Variants in TRNAU1AP observed in about 807,000 individuals in gnomAD.
The protein encoded by TRNAU1AP is tRNA selenocysteine 1-associated protein 1.
Under a neutral mutation model 43.3 loss-of-function variants are expected in TRNAU1AP, and 33 were observed. The observed-to-expected ratio is 0.76, with a 90% confidence interval of 0.58 to 1.02. The LOEUF (loss-of-function observed/expected upper bound fraction) is 1.02. Among genes scored for constraint, TRNAU1AP ranks in the 50% least tolerant of loss-of-function variants. TRNAU1AP has a pLI of 0.00. For synonymous variants in TRNAU1AP, 143 were observed against 129.1 expected, an observed-to-expected ratio of 1.11 and a Z score of -0.73; for missense variants, 290 against 362.7, an observed-to-expected ratio of 0.80 and a Z score of 1.63.
At chr1:28,574,142 G>A (rs1324935226) in intron 8 of TRNAU1AP, among the ~76,000 whole-genome samples, 2 of 147,902 alleles carry the variant, frequency 1.4e-5, no homozygotes, top group East Asian at 2.0e-4. Flanking sequence ...GTGCAGTGGT[G>A]CAGTCTCCAA....
rs376717167 is a variant in TRNAU1AP, at chr1:28,557,421, A to G, written c.126-3212A>G. Among the ~76,000 whole-genome samples, 8 of 151,512 alleles carry G rather than the reference A, an allele frequency of 5.3e-5. No homozygotes were observed. In the East Asian group the frequency reaches 7.8e-4, roughly 15 times the overall value. On this transcript the variant is annotated intron_variant, in intron 2 of 8. Transcript: ENST00000373830. ...GGCGACAAAGTGAGACTCTGTCTCA[A>G]AAAAAAGAAAAGAAATAAGATATGG...
intron 2 of TRNAU1AP, among the ~76,000 whole-genome samples, chr1:28,558,062 ATTTTTTTT>A (rs998976595): frequency 5.7e-5 from 7 of 122,108 alleles, no homozygotes; most frequent in Admixed American, 2.6e-4. Context: ...TGCCTGGCTA[ATTTTTTTT>A]TTTTTTTTTT....
chr1:28,563,320 C>T (rs1349168886), intron 4 of TRNAU1AP, among the ~76,000 whole-genome samples: 5 of 151,868 alleles, frequency 3.3e-5, no homozygotes, highest in Non-Finnish European at 5.9e-5. Context: ...GAGGCTGAGA[C>T]GGGCAGATCA....
chr1:28,560,806 T>C (rs570824411), intron 3 of TRNAU1AP, 74 bp downstream of exon 3: 1 of 1,219,218 alleles, frequency 8.2e-7, no homozygotes, highest in East Asian at 2.4e-5. Flanking sequence ...GAATCCCTAC[T>C]GTATACTTAT....
intron 8 of TRNAU1AP, among the ~76,000 whole-genome samples, chr1:28,572,245 G>A (rs1665678148): frequency 6.6e-6 from 1 of 152,122 alleles, no homozygotes; most frequent in Admixed American, 6.5e-5. Flanking sequence ...CCAGGCTGGA[G>A]TGCAATGGCA....
chr1:28,564,804 A>T lies in TRNAU1AP; in HGVS notation c.380A>T (p.Lys127Met), dbSNP rs759824584. The change falls in exon 5 of 9, where the codon AAG becomes ATG. Residue 127 changes from lysine (K) to methionine (M), a missense_variant. This residue lies in a region of TRNAU1AP where 174 missense variants were observed against 262.1 expected (regional missense o/e 0.66). Transcript: ENST00000373830. ...VKVYPSCRGG[K>M]VVLDQTGVSK... ...GTCTACCCCTCCTGTCGGGGAGGCA[A>T]GGTGGTTTTGGACCAGACAGGCGTG... 6.2e-7 allele frequency: 1 copy of T among 1,614,086 alleles called. No homozygotes were observed. The highest frequency in any genetic ancestry group is 8.5e-7 in the Non-Finnish European group (1 of 1,180,012).
At position 28,557,052 on chromosome 1, in the gene TRNAU1AP, G is replaced by A. The variant is rs371035708; in HGVS notation, c.125+3315G>A. On this transcript the variant is annotated intron_variant, in intron 2 of 8. Coordinates refer to ENST00000373830, the MANE Select transcript of TRNAU1AP (RefSeq NM_017846.5). ...TAGCCTCGAACTCCTGACCTCAGGTGATCTGTCCGCCTCAGCCTCCCAAAG... is the reference window on the plus strand; with the variant it reads ...TAGCCTCGAACTCCTGACCTCAGGTAATCTGTCCGCCTCAGCCTCCCAAAG... Among the ~76,000 whole-genome samples, 6 of 147,038 alleles carry A rather than the reference G, an allele frequency of 4.1e-5. No homozygotes were observed. In the East Asian group the frequency reaches 8.1e-4, roughly 20 times the overall value.
chr1:28,562,037 C>T (rs1027932480), intron 4 of TRNAU1AP, among the ~76,000 whole-genome samples: 4 of 152,178 alleles, frequency 2.6e-5, no homozygotes, highest in Admixed American at 6.6e-5. Context: ...GAGCCATGAT[C>T]GTGCCACTGC....
intron 2 of TRNAU1AP, among the ~76,000 whole-genome samples, chr1:28,555,496 C>CTT (rs958204626): frequency 6.4e-5 from 9 of 140,526 alleles, no homozygotes; most frequent in South Asian, 2.2e-4. Context: ...TACTCTTTTC[C>CTT]TTTTTTTTTT....
At chr1:28,563,480 C>G (rs1160594504) in intron 4 of TRNAU1AP, among the ~76,000 whole-genome samples, 1 of 151,650 alleles carries the variant, frequency 6.6e-6, no homozygotes, top group South Asian at 2.1e-4. Context: ...GTCGGGAGTT[C>G]GAGATCAGCC....
chr1:28,571,627 C>CA (rs1553122998), intron 7 of TRNAU1AP, among the ~76,000 whole-genome samples: 1 of 151,838 alleles, frequency 6.6e-6, no homozygotes, highest in Non-Finnish European at 1.5e-5. Flanking sequence ...ACTAAAAATA[C>CA]AAAAAATTAG....
At chr1:28,559,654 C>T (rs778461314) in intron 2 of TRNAU1AP, among the ~76,000 whole-genome samples, 12 of 151,464 alleles carry the variant, frequency 7.9e-5, no homozygotes, top group Non-Finnish European at 1.8e-4. Flanking sequence ...GAGCAAAACT[C>T]GGTCTCAGAA....
intron 7 of TRNAU1AP, 137 bp downstream of exon 7, chr1:28,571,475 C>T: frequency 1.1e-6 from 1 of 880,046 alleles, no homozygotes; most frequent in Non-Finnish European, 1.7e-6. Flanking sequence ...AGTCCAGTTC[C>T]TCTTGTTAAA....
chr1:28,559,878 T>C (rs1665366728), intron 2 of TRNAU1AP, among the ~76,000 whole-genome samples: 1 of 152,176 alleles, frequency 6.6e-6, no homozygotes, highest in African/African-American at 2.4e-5. Context: ...ATGCCTGTAA[T>C]CCCGGAACTT....
rs1032295619 is a variant in TRNAU1AP at position 28,577,882 on chromosome 1, CCA to C, written c.*249_*250del. 30 of 420,322 alleles carry C rather than the reference CCA, an allele frequency of 7.1e-5. No individual in the cohort carries two copies. The highest frequency in any genetic ancestry group is 4.1e-4 in the African/African-American group (20 of 48,946). 26.0% of individuals were successfully genotyped at this position (420,322 alleles called of 1,614,324 possible). The stretch of plus-strand genomic sequence containing the variant: ...AGGAATCCTTTGTCCAGGTAGTTAT[CCA>C]CATAGGACAGTTTGGGATTATCCAA... On this transcript the variant is annotated 3_prime_UTR_variant, in exon 9 of 9. Coordinates refer to ENST00000373830, the MANE Select transcript of TRNAU1AP (RefSeq NM_017846.5).
intron 5 of TRNAU1AP, chr1:28,565,180 G>A: frequency 3.9e-6 from 1 of 253,402 alleles, no homozygotes; most frequent in Non-Finnish European, 7.6e-6. Context: ...GCCTTTCAGT[G>A]TAGTTAGAAG....
chr1:28,556,683 T>TTTTG (rs950217109), intron 2 of TRNAU1AP, among the ~76,000 whole-genome samples: 26 of 151,684 alleles, frequency 1.7e-4, no homozygotes, highest in African/African-American at 6.3e-4. Context: ...AGCTCATTTT[T>TTTTG]TTTGTTTGTT....
At chr1:28,571,836 C>A (rs1557437689) in intron 7 of TRNAU1AP, 31 bp from the exon 8 acceptor site, 1 of 1,574,764 alleles carries the variant, frequency 6.4e-7, no homozygotes, top group Admixed American at 1.8e-5. Context: ...TTTCACCATG[C>A]CCCTAACCCA....
chr1:28,577,337 T>G lies in TRNAU1AP; in HGVS notation c.728-163T>G, dbSNP rs566288924. Reference sequence around the variant, plus strand: ...CATTCTCTAGATACATTATTCTATTTTCATCTTCCCCAGAACCCTGCAAGG... The same window carrying G: ...CATTCTCTAGATACATTATTCTATTGTCATCTTCCCCAGAACCCTGCAAGG... On this transcript the variant is annotated intron_variant, in intron 8 of 8. Transcript: ENST00000373830. 3.9e-5 allele frequency among the ~76,000 whole-genome samples: 6 copies of G among 152,326 alleles called. No homozygotes were observed. In the East Asian group the frequency reaches 1.2e-3, roughly 29 times the overall value.
Sources: gnomAD v4.1 joint callset for allele counts (sites outside exome capture counted in the v4.1 genomes callset) on GRCh38, gnomAD v4.1.1 for gene constraint, gnomAD v4.1.1 regional missense constraint, MANE v1.5 for transcripts, NCBI Gene and HGNC (gene_info 2026-07-23, HGNC 2026-07-21) for gene names.